The following CCDC178 variants were observed in gnomAD, a reference collection of about 807,000 sequenced individuals.
CCDC178 encodes the protein coiled-coil domain-containing protein 178.
In CCDC178, 126 loss-of-function variants were observed where a neutral mutation model predicts 117.4. The observed-to-expected ratio is 1.07, with a 90% CI of 0.93 to 1.24. The LOEUF is 1.24. CCDC178 is among the 50% of genes most tolerant of loss of function. The pLI is 0.00. For synonymous variants in CCDC178, 283 were observed against 313.4 expected, an observed-to-expected ratio of 0.90 and a Z score of 1.02; for missense variants, 1,030 against 986.9, an observed-to-expected ratio of 1.04 and a Z score of -0.59.
At chr18:33,423,807 G>A (rs9954184) in intron 2 of CCDC178, among the ~76,000 whole-genome samples, 96,022 of 151,988 alleles carry the variant, frequency 0.63, 30,957 homozygotes, top group South Asian at 0.81. Context: ...ATAATTACTA[G>A]AGTTAGCAAC....
chr18:32,946,767 CTTTT>C (rs1274510228), intron 22 of CCDC178, among the ~76,000 whole-genome samples: 2 of 114,304 alleles, frequency 1.7e-5, no homozygotes, highest in African/African-American at 6.3e-5. Context: ...TTGTTAGTGT[CTTTT>C]TTTTCTTTTT....
At chr18:33,359,552 T>C (rs1007894362) in intron 6 of CCDC178, among the ~76,000 whole-genome samples, 2 of 151,670 alleles carry the variant, frequency 1.3e-5, no homozygotes, top group African/African-American at 4.8e-5. Context: ...CTGAAAAATC[T>C]GGACAAATTT....
chr18:33,213,574 T>C (rs542357555), intron 19 of CCDC178, among the ~76,000 whole-genome samples: 7 of 152,126 alleles, frequency 4.6e-5, no homozygotes, highest in Admixed American at 3.9e-4. Flanking sequence ...TTTGACCACA[T>C]GTACTTTGTT....
chr18:33,038,158 T>C (rs1223869764), intron 21 of CCDC178, among the ~76,000 whole-genome samples: 3 of 151,902 alleles, frequency 2.0e-5, no homozygotes, highest in African/African-American at 7.2e-5. Context: ...AGACATTTTG[T>C]TTCTAAAAGT....
At chr18:33,393,788 A>G (rs1437836851) in intron 4 of CCDC178, among the ~76,000 whole-genome samples, 1 of 152,098 alleles carries the variant, frequency 6.6e-6, no homozygotes, top group Non-Finnish European at 1.5e-5. Context: ...ATAAAGTTAT[A>G]TGAATGGTCT....
intron 22 of CCDC178, among the ~76,000 whole-genome samples, chr18:32,974,107 A>T (rs2054984718): frequency 6.6e-6 from 1 of 152,122 alleles, no homozygotes; most frequent in African/African-American, 2.4e-5. Flanking sequence ...GTCATTTCCA[A>T]ATCTGCTTAG....
At chr18:32,997,716 ATCTG>A (rs1330937956) in intron 21 of CCDC178, among the ~76,000 whole-genome samples, 3 of 151,916 alleles carry the variant, frequency 2.0e-5, no homozygotes, top group African/African-American at 7.3e-5. Flanking sequence ...TCGTCTATCT[ATCTG>A]TCTGACTATT....
At chr18:33,178,433 C>T (rs913188326) in intron 20 of CCDC178, among the ~76,000 whole-genome samples, 2 of 152,152 alleles carry the variant, frequency 1.3e-5, no homozygotes, top group African/African-American at 4.8e-5. Context: ...CATCTGTATT[C>T]CTGTCTCCAA....
chr18:33,379,515 A>G (rs2063413012), intron 5 of CCDC178, among the ~76,000 whole-genome samples: 1 of 152,038 alleles, frequency 6.6e-6, no homozygotes, highest in Non-Finnish European at 1.5e-5. Flanking sequence ...GATGGGCAGG[A>G]CACTCTGGCA....
chr18:33,323,772 A>G (rs1001854199), intron 10 of CCDC178, 139 bp from the exon 11 acceptor site: 1 of 489,908 alleles, frequency 2.0e-6, no homozygotes, highest in Non-Finnish European at 3.3e-6. Flanking sequence ...TGGTTTGGTA[A>G]GTGGAATTTC....
intron 2 of CCDC178, among the ~76,000 whole-genome samples, chr18:33,412,873 T>G (rs1485934174): frequency 2.6e-5 from 4 of 152,284 alleles, no homozygotes; most frequent in Admixed American, 2.0e-4. Context: ...TGTCTCTTAA[T>G]TATCTTTTAG....
chr18:33,401,317 T>TAAAAC lies in CCDC178; in HGVS notation c.59-4114_59-4110dup, dbSNP rs568086085. Among the ~76,000 whole-genome samples the TAAAAC allele has an allele frequency of 7.8e-4, 118 of 152,090 alleles. 2 individuals are homozygous for TAAAAC. The highest frequency in any genetic ancestry group is 2.5e-3 in the African/African-American group (105 of 41,478). ...AACAGAGTTGCCACAAACCTCAAAT[T>TAAAAC]AAAACAAAACAAAACAAAACACAGG... is the stretch of plus-strand genomic sequence containing the variant. On this transcript the variant is annotated intron_variant, in intron 3 of 22. Coordinates refer to ENST00000383096, the MANE Select transcript of CCDC178 (RefSeq NM_001105528.4).
chr18:33,134,572 C>T (rs1009594094), intron 20 of CCDC178, among the ~76,000 whole-genome samples: 1 of 152,018 alleles, frequency 6.6e-6, no homozygotes, highest in Non-Finnish European at 1.5e-5. Context: ...ATTTTCATAG[C>T]TGAGTTTTAA....
At chr18:33,310,097 G>A (rs2062317715) in intron 11 of CCDC178, among the ~76,000 whole-genome samples, 1 of 152,090 alleles carries the variant, frequency 6.6e-6, no homozygotes, top group African/African-American at 2.4e-5. Context: ...GAGTAGCTGG[G>A]AGTACAGGTG....
intron 22 of CCDC178, among the ~76,000 whole-genome samples, chr18:32,961,078 A>G (rs912699426): frequency 6.6e-6 from 1 of 152,036 alleles, no homozygotes; most frequent in African/African-American, 2.4e-5. Context: ...GCTATTTGGG[A>G]TGGACTGTTT....
intron 14 of CCDC178, among the ~76,000 whole-genome samples, chr18:33,266,082 A>G (rs767687354): frequency 3.3e-5 from 5 of 152,046 alleles, no homozygotes; most frequent in Non-Finnish European, 7.4e-5. Flanking sequence ...TAAGACATAC[A>G]TAAGATCCTC....
rs142024495 is a variant in CCDC178 at position 33,342,081 on chromosome 18, G to A, written c.658+4130C>T. Among the ~76,000 whole-genome samples the A allele has an allele frequency of 1.0e-3, 156 of 152,256 alleles. 1 individual carries two copies. The highest frequency in any genetic ancestry group is 3.5e-3 in the African/African-American group (145 of 41,550). ...AACCAGTGAAACTTCTAGGATTCTA[G>A]TAGAGGCAAAAAGTAATCAAGGCTT... On this transcript the variant is annotated intron_variant, in intron 9 of 22. Coordinates refer to ENST00000383096, the MANE Select transcript of CCDC178 (RefSeq NM_001105528.4).
intron 20 of CCDC178, among the ~76,000 whole-genome samples, chr18:33,139,784 T>C (rs1313459446): frequency 6.6e-6 from 1 of 152,162 alleles, no homozygotes; most frequent in Non-Finnish European, 1.5e-5. Context: ...GAGGAGAATT[T>C]CAAGCCTGCT....
Position 32,946,689 on chromosome 18 carries a change from G to C in CCDC178, c.2524-8598C>G, listed in dbSNP as rs1209545565. Among the ~76,000 whole-genome samples, 4 of 149,728 alleles carry C rather than the reference G, an allele frequency of 2.7e-5. No homozygotes were observed. The East Asian group carries it at 7.9e-4, about 29-fold the overall frequency. On this transcript the variant is annotated intron_variant, in intron 22 of 22. Coordinates refer to ENST00000383096, the MANE Select transcript of CCDC178 (RefSeq NM_001105528.4). ...TAATAATTATTAACAAATACAGGGA[G>C]GAATAGTAACTTTGGATCGTTGTGG...
Sources: allele counts gnomAD v4.1 joint callset (sites outside exome capture counted in the v4.1 genomes callset), GRCh38; gene constraint gnomAD v4.1.1; transcripts MANE v1.5; gene names NCBI Gene and HGNC (gene_info 2026-07-23, HGNC 2026-07-21).